NDRG4: variants seen among roughly 807,000 people sequenced by gnomAD.
NDRG4 encodes protein NDRG4.
Under a neutral mutation model 55.8 loss-of-function variants are expected in NDRG4, and 38 were observed. The observed-to-expected ratio is 0.68, with a 90% CI of 0.53 to 0.89. NDRG4 has a LOEUF of 0.89. Ranked by LOEUF, NDRG4 falls within the 40% of genes least tolerant of loss-of-function variation. The pLI, the probability that NDRG4 is intolerant of heterozygous loss-of-function variation, is 0.00. For missense variants in NDRG4, 455 were observed against 468.6 expected, an observed-to-expected ratio of 0.97 and a Z score of 0.27; for synonymous variants, 190 against 182.7, an observed-to-expected ratio of 1.04 and a Z score of -0.32.
chr16:58,477,519 A>G lies in NDRG4; in HGVS notation c.-23-10237A>G, dbSNP rs367926861. Among the ~76,000 whole-genome samples the G allele has an allele frequency of 3.3e-4, 50 of 152,346 alleles. No homozygotes were observed. The South Asian group carries it at 9.7e-3, about 30-fold the overall frequency. On this transcript the variant is annotated intron_variant, in intron 1 of 15. Transcript: ENST00000258187. ...AACAATGAAACAAATAATGATAGCA[A>G]TGGCTTTTAACCCACAGGGTAAAAT...
chr16:58,489,677 G>T (rs1479481481), intron 2 of NDRG4, among the ~76,000 whole-genome samples: 2 of 151,938 alleles, frequency 1.3e-5, no homozygotes, highest in African/African-American at 4.8e-5. Context: ...GGTCTCCCCA[G>T]TGCCTCACAC....
At chr16:58,473,264 A>T (rs1338086340) in intron 1 of NDRG4, among the ~76,000 whole-genome samples, 1 of 151,874 alleles carries the variant, frequency 6.6e-6, no homozygotes, top group Admixed American at 6.6e-5. Flanking sequence ...GGCTCAAGCG[A>T]TCCTCACGCC....
chr16:58,503,810 G>A lies in NDRG4; in HGVS notation c.34G>A (p.Glu12Lys), dbSNP rs757619066. 5.6e-6 allele frequency: 9 copies of A among 1,613,912 alleles called. No individual in the cohort carries two copies. Among genetic ancestry groups the A allele is most frequent in the East Asian group, 4.5e-5 (2 of 44,872 alleles). Reference sequence around the variant, plus strand: ...CTCTCCCCTTCAGGAACATGACATCGAGACACCCTACGGCCTTCTGCATGT... The same window carrying A: ...CTCTCCCCTTCAGGAACATGACATCAAGACACCCTACGGCCTTCTGCATGT... ...PECWDGEHDI[E>K]TPYGLLHVVI... Residue 12 changes from glutamate (E) to lysine (K), a missense_variant, in exon 2 of 15, where the codon GAG becomes AAG. Coordinates refer to ENST00000570248, the MANE Select transcript of NDRG4 (RefSeq NM_001242835.2).
intron 1 of NDRG4, chr16:58,500,492 A>G: frequency 2.4e-5 from 7 of 294,776 alleles, no homozygotes; most frequent in South Asian, 7.5e-5. Context: ...AGCCCATAGC[A>G]GGGGCTGGGG....
chr16:58,515,197 CCCTCGGCTTCCGATCCAGAAACCGTATT>C (rs2039074287), downstream of NDRG4, among the ~76,000 whole-genome samples: 1 of 152,190 alleles, frequency 6.6e-6, no homozygotes, highest in Non-Finnish European at 1.5e-5. Flanking sequence ...GGCCACCAGA[CCCTCGGCTTCCGATCCAGAAACCGTATT>C]TTGTTCTTGC....
intron 1 of NDRG4, among the ~76,000 whole-genome samples, chr16:58,482,783 T>C (rs754098931): frequency 1.9e-4 from 27 of 143,476 alleles, no homozygotes; most frequent in Non-Finnish European, 3.4e-4. Flanking sequence ...TTTCCTTCCT[T>C]CTCTCTCTCT....
intron 2 of NDRG4, among the ~76,000 whole-genome samples, chr16:58,494,724 T>A (rs1008289201): frequency 1.3e-5 from 2 of 151,386 alleles, no homozygotes; most frequent in African/African-American, 4.9e-5. Context: ...CCCAGCGCTT[T>A]AGGAGGCCAA....
chr16:58,481,265 T>A (rs1291326477), intron 1 of NDRG4, among the ~76,000 whole-genome samples: 1 of 152,142 alleles, frequency 6.6e-6, no homozygotes, highest in Non-Finnish European at 1.5e-5. Flanking sequence ...ATATTAAGGA[T>A]TGTTTTTCAT....
intron 5 of NDRG4, chr16:58,505,865 G>A (rs71389023): frequency 0.056 from 13,113 of 235,018 alleles, 462 homozygotes; most frequent in Middle Eastern, 0.11. Context: ...GAGACTACAG[G>A]TGCATGCCAC....
At chr16:58,503,322 CCGGGGT>C in intron 1 of NDRG4, among the ~76,000 whole-genome samples, 1 of 152,248 alleles carries the variant, frequency 6.6e-6, no homozygotes, top group South Asian at 2.1e-4. Context: ...AGGGGCAGTG[CCGGGGT>C]CGGGGCTAGG....
intron 1 of NDRG4, among the ~76,000 whole-genome samples, chr16:58,485,476 A>G (rs1367779879): frequency 6.6e-6 from 1 of 152,158 alleles, no homozygotes; most frequent in African/African-American, 2.4e-5. Flanking sequence ...GAGGGGGGCT[A>G]CAGGGATACC....
intron 13 of NDRG4, 40 bp downstream of exon 13, chr16:58,509,392 C>A: frequency 1.2e-6 from 2 of 1,602,220 alleles, no homozygotes; most frequent in Non-Finnish European, 8.5e-7. Flanking sequence ...ACCTAGAGAC[C>A]GGTGGGCAGG....
rs1303111991 is a variant in NDRG4 at position 58,492,541 on chromosome 16, TGTGTGTGTGTGA to T, written c.73-2421_73-2410del. ...GTGTGTGTGTGTGTGTGTGTGTGTG[TGTGTGTGTGTGA>T]GAGACAGACAGACAGTCTCGCCCTG... On this transcript the variant is annotated intron_variant, in intron 2 of 15. Coordinates refer to the NDRG4 transcript ENST00000258187. Among the ~76,000 whole-genome samples, 251 of 66,686 alleles carry T rather than the reference TGTGTGTGTGTGA, an allele frequency of 3.8e-3. 4 individuals carry two copies. Among genetic ancestry groups the T allele is most frequent in the Non-Finnish European group, 4.2e-3 (141 of 33,534 alleles). The allele number at this position is 66,686 out of a possible 152,430, so 43.7% of individuals were successfully genotyped here.
chr16:58,509,106 T>TC (rs760640384), intron 11 of NDRG4, 48 bp from the exon 12 acceptor site: 33 of 1,613,814 alleles, frequency 2.0e-5, no homozygotes, highest in Non-Finnish European at 2.8e-5. Flanking sequence ...TGGGAGCTTG[T>TC]CCTGGAGTGA....
At chr16:58,507,746 G>C in intron 8 of NDRG4, 62 bp from the exon 9 acceptor site, 1 of 1,522,758 alleles carries the variant, frequency 6.6e-7, no homozygotes, top group Non-Finnish European at 9.1e-7. Context: ...TTGGGCTTGG[G>C]ATGCCCCTCA....
At chr16:58,495,088 G>A in intron 3 of NDRG4, 1 of 1,426,584 alleles carries the variant, frequency 7.0e-7, no homozygotes, top group Non-Finnish European at 9.8e-7. Context: ...TCCCAGAGGA[G>A]GGTCACAGCC....
At chr16:58,504,712 G>C in intron 5 of NDRG4, 63 bp downstream of exon 5, 1 of 1,567,828 alleles carries the variant, frequency 6.4e-7, no homozygotes, top group South Asian at 1.1e-5. Context: ...TCCCAGTGGT[G>C]GGGACTGGGG....
intron 1 of NDRG4, chr16:58,487,718 C>G: frequency 1.4e-6 from 2 of 1,452,638 alleles, no homozygotes; most frequent in Non-Finnish European, 1.8e-6. Context: ...CCGGGCGTCC[C>G]CGCCGCAGCA....
chr16:58,477,700 TATC>T (rs1281944441), intron 1 of NDRG4, among the ~76,000 whole-genome samples: 6 of 145,160 alleles, frequency 4.1e-5, no homozygotes, highest in Non-Finnish European at 9.0e-5. Flanking sequence ...AAAAGAAAAT[TATC>T]ATTAGGCAAC....
Sources: gnomAD v4.1 joint callset for allele counts (sites outside exome capture counted in the v4.1 genomes callset) on GRCh38, gnomAD v4.1.1 for gene constraint, MANE v1.5 for transcripts, NCBI Gene and HGNC (gene_info 2026-07-23, HGNC 2026-07-21) for gene names.